Variants in ZC3H12B observed in about 807,000 individuals in gnomAD.
The protein encoded by ZC3H12B is probable ribonuclease ZC3H12B.
ZC3H12B carries 7 observed loss-of-function variants against 43.9 expected under a neutral mutation model. That is an observed-to-expected ratio of 0.16 (90% confidence interval 0.09 to 0.30). The LOEUF (loss-of-function observed/expected upper bound fraction) is 0.30, where lower values mean the gene tolerates loss of function less well. Ranked by LOEUF, ZC3H12B falls within the 10% of genes least tolerant of loss-of-function variation. ZC3H12B has a pLI of 1.00. For synonymous variants in ZC3H12B, 222 were observed against 241.7 expected (o/e 0.92, Z 0.76); for missense variants, 475 against 670.2 (o/e 0.71, Z 3.22).
At chrX:65,158,835 A>G in the ZC3H12B span, among the ~76,000 whole-genome samples, 1 of 111,852 alleles carries the variant, frequency 8.9e-6, no homozygotes, top group Non-Finnish European at 1.9e-5. Flanking sequence ...TTTTAGACAT[A>G]AAGTCCTTGC....
the ZC3H12B span, among the ~76,000 whole-genome samples, chrX:65,115,544 G>A: frequency 6.6e-4 from 73 of 111,298 alleles, no homozygotes; most frequent in African/African-American, 2.1e-3. Flanking sequence ...TTCGTATAAT[G>A]CCTTGTTTTC....
intron 3 of ZC3H12B, among the ~76,000 whole-genome samples, chrX:65,462,332 G>T (rs755772338): frequency 9.1e-6 from 1 of 110,463 alleles, no homozygotes; most frequent in Non-Finnish European, 1.9e-5. Flanking sequence ...CCAACATGGT[G>T]AAATCCCATC....
chrX:65,332,658 G>T, the ZC3H12B span, among the ~76,000 whole-genome samples: 6 of 111,072 alleles, frequency 5.4e-5, no homozygotes, highest in African/African-American at 2.0e-4. Context: ...ATGACTGGTT[G>T]GTTCACAGAA....
the ZC3H12B span, among the ~76,000 whole-genome samples, chrX:65,151,798 A>G: frequency 1.8e-5 from 2 of 111,649 alleles, no homozygotes; most frequent in African/African-American, 3.3e-5. Context: ...TTTTTGACCA[A>G]TATCCTTGAT....
chrX:65,220,742 A>G, the ZC3H12B span, among the ~76,000 whole-genome samples: 1 of 112,064 alleles, frequency 8.9e-6, no homozygotes, highest in East Asian at 2.8e-4. Flanking sequence ...GACAACAACA[A>G]AATAATAGTG....
At chrX:65,165,556 T>G in the ZC3H12B span, among the ~76,000 whole-genome samples, 1 of 112,199 alleles carries the variant, frequency 8.9e-6, no homozygotes, top group South Asian at 3.7e-4. Flanking sequence ...TGTGTTAGTT[T>G]GTTTGTTAGT....
chrX:65,325,625 G>T, the ZC3H12B span, among the ~76,000 whole-genome samples: 1 of 110,909 alleles, frequency 9.0e-6, no homozygotes, highest in Non-Finnish European at 1.9e-5. Context: ...TAAAAAGTTA[G>T]CCCATGTTTA....
At chrX:65,036,534 G>A in the ZC3H12B span, among the ~76,000 whole-genome samples, 14 of 111,263 alleles carry the variant, frequency 1.3e-4, no homozygotes, top group East Asian at 2.8e-3. Flanking sequence ...TGTTAGTTTG[G>A]GGTAAAATGC....
rs935154420 is a variant in ZC3H12B, at chrX:65,454,255, C to A, written n.408-34391C>A. On this transcript the variant is annotated intron_variant and non_coding_transcript_variant, in intron 3 of 5. Coordinates refer to the ZC3H12B transcript ENST00000617377. The stretch of plus-strand genomic sequence containing the variant: ...CCTTTCCTAGGGGTGACAGACAGCA[C>A]CTGGAAAATTGGGTCACTCCCACCC... Among the ~76,000 whole-genome samples the A allele has an allele frequency of 3.6e-5, 4 of 112,126 alleles. No homozygotes were observed. The Admixed American group carries it at 3.8e-4, about 11-fold the overall frequency.
At chrX:65,045,564 T>G in the ZC3H12B span, among the ~76,000 whole-genome samples, 3 of 112,107 alleles carry the variant, frequency 2.7e-5, no homozygotes, top group Non-Finnish European at 3.8e-5. Context: ...CTTCTGATTC[T>G]AATTCTTCTG....
At chrX:65,263,239 TAACAGAAGC>T in the ZC3H12B span, among the ~76,000 whole-genome samples, 5 of 111,498 alleles carry the variant, frequency 4.5e-5, no homozygotes, top group Non-Finnish European at 7.6e-5. Context: ...ATTCACAGAC[TAACAGAAGC>T]AACACATATA....
chrX:65,274,992 G>C, the ZC3H12B span, among the ~76,000 whole-genome samples: 1 of 112,067 alleles, frequency 8.9e-6, no homozygotes, highest in Non-Finnish European at 1.9e-5. Flanking sequence ...AGGCTGGCCA[G>C]CAGCAGTGTA....
intron 2 of ZC3H12B, among the ~76,000 whole-genome samples, chrX:65,380,986 C>G (rs1034646019): frequency 9.0e-6 from 1 of 111,369 alleles, no homozygotes; most frequent in Non-Finnish European, 1.9e-5. Flanking sequence ...GAGACTTAGA[C>G]TCCCAAACAT....
chrX:65,323,950 A>T, the ZC3H12B span, among the ~76,000 whole-genome samples: 1 of 112,134 alleles, frequency 8.9e-6, no homozygotes, highest in Non-Finnish European at 1.9e-5. Flanking sequence ...ACCAGTGATG[A>T]TGAGCTTTTC....
the ZC3H12B span, among the ~76,000 whole-genome samples, chrX:65,234,588 TATG>T: frequency 2.7e-5 from 3 of 112,144 alleles, no homozygotes; most frequent in Non-Finnish European, 5.6e-5. Context: ...TTTCAGATAG[TATG>T]ATTTCATATT....
the ZC3H12B span, among the ~76,000 whole-genome samples, chrX:65,351,048 C>G: frequency 8.9e-6 from 1 of 111,895 alleles, no homozygotes. Context: ...AAGCTGGAGG[C>G]ATCATGCTAC....
the ZC3H12B span, among the ~76,000 whole-genome samples, chrX:65,281,108 A>G: frequency 9.0e-6 from 1 of 111,467 alleles, no homozygotes. Context: ...ACACTACCAG[A>G]CCTCAAAATA....
the ZC3H12B span, among the ~76,000 whole-genome samples, chrX:65,345,305 G>T: frequency 8.9e-6 from 1 of 112,050 alleles, no homozygotes. Context: ...CTAAGAGCTT[G>T]TCAGTGGTAG....
chrX:65,488,401 A>AG (rs1290756928), upstream of ZC3H12B, among the ~76,000 whole-genome samples: 2 of 65,964 alleles, frequency 3.0e-5, no homozygotes, highest in Admixed American at 1.8e-4. Context: ...AGGGTGGGGT[A>AG]GGGGGGCGAC....
Sources: allele counts gnomAD v4.1 joint callset (sites outside exome capture counted in the v4.1 genomes callset), GRCh38; gene constraint gnomAD v4.1.1; transcripts MANE v1.5; gene names NCBI Gene and HGNC (gene_info 2026-07-23, HGNC 2026-07-21).